Variants in IRAG1 observed in about 807,000 individuals in gnomAD.
IRAG1 encodes the protein IP3R-associated cGMP kinase substrate.
In IRAG1, 62 loss-of-function variants were observed where a neutral mutation model predicts 106.2. The ratio of observed to expected loss-of-function variants is 0.58; its 90% CI spans 0.48 to 0.72. IRAG1 has a LOEUF of 0.72. Among genes scored for constraint, IRAG1 ranks in the 30% least tolerant of loss-of-function variants. The pLI, the probability that IRAG1 is intolerant of heterozygous loss-of-function variation, is 0.00. For missense variants in IRAG1, 1,064 were observed against 1,140.7 expected (o/e 0.93, Z 0.97); for synonymous variants, 462 against 443.9 (o/e 1.04, Z -0.51).
intron 10 of IRAG1, 61 bp downstream of exon 10, chr11:10,623,717 C>A: frequency 1.3e-6 from 2 of 1,493,026 alleles, no homozygotes; most frequent in South Asian, 2.3e-5. Flanking sequence ...ATTCACCTTC[C>A]TTGATCTGGC....
At chr11:10,688,525 G>A (rs1861830304) in intron 1 of IRAG1, among the ~76,000 whole-genome samples, 1 of 151,974 alleles carries the variant, frequency 6.6e-6, no homozygotes, top group South Asian at 2.1e-4. Flanking sequence ...TCCCTTCCCT[G>A]GTGGCCACTC....
intron 1 of IRAG1, chr11:10,690,386 T>A (rs749124651): frequency 1.2e-4 from 148 of 1,266,412 alleles, no homozygotes; most frequent in Admixed American, 8.4e-4. Context: ...AAAAAAAAAA[T>A]GTTTCCTGTC....
In IRAG1 at chr11:10,647,499, A is replaced by C. The variant is rs1858058075; in HGVS notation, c.225+4526T>G. 6.6e-6 allele frequency among the ~76,000 whole-genome samples: 1 copy of C among 152,186 alleles called. No individual in the cohort carries two copies. Among genetic ancestry groups the C allele is most frequent in the African/African-American group, 2.4e-5 (1 of 41,444 alleles). ...CTGGGTGCTGGAATGGGTGATATGA[A>C]GAGGTGAAGTCTGCTTATGAGTTCA... On this transcript the variant is annotated intron_variant, in intron 2 of 20. Transcript: ENST00000423302. This position sits in a 1 kb window ranked among gnomAD's most constrained non-coding sequence, Gnocchi z 4.3.
intron 20 of IRAG1, among the ~76,000 whole-genome samples, chr11:10,576,874 G>T (rs77934872): frequency 0.091 from 13,861 of 152,266 alleles, 790 homozygotes; most frequent in Admixed American, 0.14. Flanking sequence ...TTAATTGTTT[G>T]ATCATCCATC....
intron 10 of IRAG1, among the ~76,000 whole-genome samples, chr11:10,619,194 G>A (rs1855654776): frequency 1.3e-5 from 2 of 152,164 alleles, no homozygotes; most frequent in Middle Eastern, 3.2e-3. Context: ...TCCTGAGAAG[G>A]GAACTGATTG....
rs71034779 is a variant in IRAG1, at chr11:10,680,512, A to AAAGAAAGGAAGAAAGG, written c.67+13008_67+13023dup. Reference sequence around the variant, plus strand: ...GAGGGAGAAAGAGAGAGAAAGGGAAAAAGAAAGGAAGAAAGGAAGGAAGGA... The same window carrying AAAGAAAGGAAGAAAGG: ...GAGGGAGAAAGAGAGAGAAAGGGAAAAAGAAAGGAAGAAAGGAAGAAAGGAAGAAAGGAAGGAAGGA... On this transcript the variant is annotated intron_variant, in intron 1 of 20. Coordinates refer to ENST00000423302, the MANE Select transcript of IRAG1 (RefSeq NM_130385.4). Among the ~76,000 whole-genome samples, 135 of 131,796 alleles carry AAAGAAAGGAAGAAAGG rather than the reference A, an allele frequency of 1.0e-3. 1 individual carries two copies. The highest frequency in any genetic ancestry group is 2.8e-3 in the African/African-American group (87 of 31,270). The allele number at this position is 131,796 out of a possible 152,430, so 86.5% of individuals were successfully genotyped here.
chr11:10,628,145 C>T lies in IRAG1; in HGVS notation c.653-120G>A. ...TGCAATCTCAGGCCTGGAAGATTTG[C>T]TGACTACCTCCCGTGTGCCAGGTTC... On this transcript the variant is annotated intron_variant, in intron 6 of 20. Coordinates refer to ENST00000423302, the MANE Select transcript of IRAG1 (RefSeq NM_130385.4). This position sits in a 1 kb window ranked among gnomAD's most constrained non-coding sequence, Gnocchi z 4.1. The T allele has an allele frequency of 1.8e-6, 2 of 1,084,794 alleles. No individual in the cohort carries two copies. Among genetic ancestry groups the T allele is most frequent in the Admixed American group, 4.0e-5 (2 of 50,538 alleles). The allele number at this position is 1,084,794 out of a possible 1,614,324, so 67.2% of individuals were successfully genotyped here. A position where few individuals can be genotyped will look rare whatever the true frequency, so the allele number is the denominator to read the frequency against.
At chr11:10,643,158 CAG>C (rs1156565430) in intron 2 of IRAG1, among the ~76,000 whole-genome samples, 1 of 110,466 alleles carries the variant, frequency 9.1e-6, no homozygotes, top group African/African-American at 3.6e-5. Context: ...GCCTGGGCGA[CAG>C]AGTGAGACTC....
chr11:10,633,099 G>A (rs1286761579), intron 3 of IRAG1, among the ~76,000 whole-genome samples: 3 of 142,144 alleles, frequency 2.1e-5, no homozygotes, highest in African/African-American at 8.0e-5. Flanking sequence ...TTTTGAGACG[G>A]AGTCTCGCAC....
In IRAG1 at chr11:10,581,880, C is replaced by T. The variant is rs1320283451; in HGVS notation, c.2347G>A (p.Ala783Thr). ...GGTCTGACTCACCCCTTGCTGTAGG[C>T]TTCTTCCTCCATCCTGGCCTTGGTC... ...QETKARMEEE[A>T]YSKGFQEGLK... The change falls in exon 19 of 21, where the codon GCC becomes ACC. Residue 783 changes from alanine (A) to threonine (T), a missense_variant. By Grantham distance (58) the Ala-to-Thr change is moderately conservative. Coordinates refer to ENST00000423302, the MANE Select transcript of IRAG1 (RefSeq NM_130385.4). 6 of 1,613,698 alleles carry T rather than the reference C, an allele frequency of 3.7e-6. No homozygotes were observed. Among genetic ancestry groups the T allele is most frequent in the Non-Finnish European group, 3.4e-6 (4 of 1,179,766 alleles).
intron 1 of IRAG1, among the ~76,000 whole-genome samples, chr11:10,693,293 C>T (rs1473645317): frequency 6.6e-6 from 1 of 152,176 alleles, no homozygotes; most frequent in Non-Finnish European, 1.5e-5. Context: ...GCACACTTTC[C>T]AACGGCAAGC....
At chr11:10,677,814 G>A (rs1239032073) in intron 1 of IRAG1, among the ~76,000 whole-genome samples, 1 of 152,148 alleles carries the variant, frequency 6.6e-6, no homozygotes, top group Non-Finnish European at 1.5e-5. Context: ...TGCCAACCAC[G>A]AATCTGCTTT....
intron 9 of IRAG1, among the ~76,000 whole-genome samples, chr11:10,625,325 G>A (rs778083884): frequency 1.3e-5 from 2 of 152,132 alleles, no homozygotes; most frequent in Non-Finnish European, 2.9e-5. Context: ...GAATTGCTTT[G>A]TCCTGTTATC....
rs147822660 is a variant in IRAG1, at chr11:10,593,280, A to C, written c.2175+212T>G. The C allele has an allele frequency of 2.8e-5, 12 of 424,072 alleles. No homozygotes were observed. In the Middle Eastern group the frequency reaches 1.9e-3, roughly 68 times the overall value. 26.3% of individuals were successfully genotyped at this position (424,072 alleles called of 1,614,324 possible). Reference sequence around the variant, plus strand: ...CAAAGAACGCTGAGCTGCCAACACCATGCTGAGGGCAGTGGGACTTCCCAG... The same window carrying C: ...CAAAGAACGCTGAGCTGCCAACACCCTGCTGAGGGCAGTGGGACTTCCCAG... On this transcript the variant is annotated intron_variant, in intron 17 of 20. Coordinates refer to ENST00000423302, the MANE Select transcript of IRAG1 (RefSeq NM_130385.4).
chr11:10,595,261 A>C (rs77972909), intron 15 of IRAG1, among the ~76,000 whole-genome samples: 2,375 of 152,246 alleles, frequency 0.016, 32 homozygotes, highest in Middle Eastern at 0.027. Flanking sequence ...TTCTCTATTA[A>C]CCAATAGATT....
rs998433318 is a variant in IRAG1, at chr11:10,582,787, C to G, written c.2241-801G>C. ...CCTGGCCAACATGGTGAAACCCCAT[C>G]TCTACTAAAAATACAAAAATTAGCC... On this transcript the variant is annotated intron_variant, in intron 18 of 20. Transcript: ENST00000423302. 9.8e-5 allele frequency among the ~76,000 whole-genome samples: 15 copies of G among 152,290 alleles called. No individual in the cohort carries two copies. In the East Asian group the frequency reaches 2.9e-3, roughly 29 times the overall value.
rs934532076 is a variant in IRAG1, at chr11:10,623,647, A to G, written c.1447+131T>C. 20 of 843,348 alleles carry G rather than the reference A, an allele frequency of 2.4e-5. No individual in the cohort carries two copies. The African/African-American group carries it at 3.0e-4, about 13-fold the overall frequency. 52.2% of individuals were successfully genotyped at this position (843,348 alleles called of 1,614,324 possible). On this transcript the variant is annotated intron_variant, in intron 10 of 20. Coordinates refer to ENST00000423302, the MANE Select transcript of IRAG1 (RefSeq NM_130385.4). ...CTGAGCGGGCAGAAGACACAATCGG[A>G]TTCATTCATTCACCAGCAAATGTTT...
chr11:10,656,860 G>T lies in IRAG1; in HGVS notation c.68-4678C>A, dbSNP rs113682950. 3.4e-3 allele frequency among the ~76,000 whole-genome samples: 510 copies of T among 152,212 alleles called. 2 individuals are homozygous for T. The highest frequency in any genetic ancestry group is 4.5e-3 in the Non-Finnish European group (309 of 68,010). On this transcript the variant is annotated intron_variant, in intron 1 of 20. Transcript: ENST00000423302. ...AGTTCTGCTTGAGTGTGGCAGAAAA[G>T]ACTAGCACGGGGGCCCTGCCTCCCA...
chr11:10,615,515 A>G (rs975430687), intron 10 of IRAG1, among the ~76,000 whole-genome samples: 1 of 152,350 alleles, frequency 6.6e-6, no homozygotes. Context: ...CACAATAGCA[A>G]AGACTTGGAA....
Sources: gnomAD v4.1 joint callset for allele counts (sites outside exome capture counted in the v4.1 genomes callset) on GRCh38, gnomAD v4.1.1 for gene constraint, Gnocchi (gnomAD v3.1) non-coding constraint, MANE v1.5 for transcripts, NCBI Gene and HGNC (gene_info 2026-07-23, HGNC 2026-07-21) for gene names.